The following LGMN variants were observed in gnomAD, a reference collection of about 807,000 sequenced individuals.
LGMN encodes the protein legumain, also known as asparaginyl endopeptidase.
A neutral mutation model predicts 56.8 loss-of-function variants in LGMN; 36 were observed. That is an observed-to-expected ratio of 0.63 (90% CI 0.49 to 0.84). The LOEUF is 0.84. LGMN is among the 40% of genes least tolerant of loss of function. The pLI is 0.00. For synonymous variants in LGMN, 199 were observed against 210.1 expected (o/e 0.95, Z 0.46); for missense variants, 446 against 556.1 (o/e 0.80, Z 1.99).
rs757663629 is a variant in LGMN, at chr14:92,711,815, A to G, written c.729+22T>C. ...TCTGACGGTTAAACCCCAGCTGAAC[A>G]GCCAGCCCCCAAAGGGCTCACCACG... On this transcript the variant is annotated intron_variant, in intron 9 of 13. Coordinates refer to ENST00000334869, the MANE Select transcript of LGMN (RefSeq NM_005606.7). 3.7e-6 allele frequency: 6 copies of G among 1,608,924 alleles called. No homozygotes were observed. In the South Asian group the frequency reaches 6.6e-5, roughly 18 times the overall value.
intron 2 of LGMN, 48 bp downstream of exon 2, chr14:92,732,601 T>G (rs1891105143): frequency 1.3e-5 from 21 of 1,595,030 alleles, no homozygotes; most frequent in Non-Finnish European, 1.8e-5. Context: ...GGAATTGTTT[T>G]CAGAATGCCA....
intron 11 of LGMN, 113 bp downstream of exon 11, chr14:92,709,558 GT>G: frequency 1.2e-6 from 1 of 857,832 alleles, no homozygotes; most frequent in Non-Finnish European, 1.9e-6. Flanking sequence ...GCTGGCTTCT[GT>G]CCCCCCATAC....
At chr14:92,731,325 T>C (rs994945265) in intron 2 of LGMN, among the ~76,000 whole-genome samples, 1 of 152,240 alleles carries the variant, frequency 6.6e-6, no homozygotes, top group East Asian at 1.9e-4. Context: ...TCATGCACCA[T>C]AGAAGTCAGT....
intron 1 of LGMN, among the ~76,000 whole-genome samples, chr14:92,738,305 G>C (rs1050181021): frequency 3.3e-5 from 5 of 149,828 alleles, no homozygotes; most frequent in African/African-American, 1.2e-4. Context: ...TTGAGACAGA[G>C]TCTTGCTCGG....
chr14:92,732,256 CAGG>C (rs1891086170), intron 2 of LGMN: 1 of 192,146 alleles, frequency 5.2e-6, no homozygotes, highest in Non-Finnish European at 1.1e-5. Flanking sequence ...TACAGTGGAG[CAGG>C]AGATGCTGCC....
intron 1 of LGMN, among the ~76,000 whole-genome samples, chr14:92,743,242 C>T (rs1433660059): frequency 2.0e-5 from 3 of 152,178 alleles, no homozygotes; most frequent in African/African-American, 7.2e-5. Context: ...TGGCTCACGC[C>T]TGTAATCCCA....
intron 1 of LGMN, among the ~76,000 whole-genome samples, chr14:92,744,845 C>T (rs377739149): frequency 6.6e-6 from 1 of 152,190 alleles, no homozygotes; most frequent in Non-Finnish European, 1.5e-5. Context: ...CCGCCCGGCT[C>T]AGCCTCCCAA....
At chr14:92,704,765 CA>C in intron 12 of LGMN, 58 bp from the exon 13 acceptor site, 1 of 1,412,614 alleles carries the variant, frequency 7.1e-7, no homozygotes, top group Non-Finnish European at 1.0e-6. Flanking sequence ...CAATCCACTC[CA>C]CTTTTGCAAT....
intron 1 of LGMN, among the ~76,000 whole-genome samples, chr14:92,739,113 G>A (rs767502231): frequency 1.3e-5 from 2 of 151,788 alleles, no homozygotes; most frequent in Non-Finnish European, 2.9e-5. Context: ...AGACACAAAA[G>A]TAAAATAATC....
chr14:92,716,664 A>T (rs1890091166), intron 4 of LGMN, among the ~76,000 whole-genome samples: 1 of 152,226 alleles, frequency 6.6e-6, no homozygotes, highest in Non-Finnish European at 1.5e-5. Flanking sequence ...AAACAATTTC[A>T]TTAAATACGG....
intron 13 of LGMN, 22 bp downstream of exon 13, chr14:92,704,618 G>A (rs1417164779): frequency 6.3e-7 from 1 of 1,593,500 alleles, no homozygotes; most frequent in Admixed American, 1.7e-5. Flanking sequence ...GACCTTTCAA[G>A]CGTCACCGCT....
intron 12 of LGMN, among the ~76,000 whole-genome samples, chr14:92,705,914 C>T (rs982896962): frequency 8.5e-5 from 13 of 152,198 alleles, no homozygotes; most frequent in South Asian, 2.1e-4. Flanking sequence ...AGACATGAGC[C>T]ACCATGCCCG....
intron 5 of LGMN, 26 bp downstream of exon 5, chr14:92,716,110 G>C (rs1211361375): frequency 6.7e-7 from 1 of 1,491,698 alleles, no homozygotes; most frequent in Admixed American, 1.7e-5. Flanking sequence ...ATTGAGAGAA[G>C]TGTAGTATCC....
At position 92,732,702 on chromosome 14, in the gene LGMN, GCTTGCCTCCAT is replaced by G; in HGVS notation, c.74_84del (p.Asp25AlafsTer14). 1 of 1,614,166 alleles carries G rather than the reference GCTTGCCTCCAT, an allele frequency of 6.2e-7. No homozygotes were observed. The highest frequency in any genetic ancestry group is 8.5e-7 in the Non-Finnish European group (1 of 1,180,034). ...GAACCTGCCACGATCACCACCCAGT[GCTTGCCTCCAT>G]CTTCAGGATCATCTATAGGAACGGC... is the stretch of plus-strand genomic sequence containing the variant. On this transcript the variant is annotated frameshift_variant, in exon 2 of 14. Coordinates refer to ENST00000334869, the MANE Select transcript of LGMN (RefSeq NM_005606.7). LOFTEE classifies it high-confidence loss of function.
intron 2 of LGMN, 22 bp downstream of exon 2, chr14:92,732,627 A>C: frequency 6.2e-7 from 1 of 1,611,660 alleles, no homozygotes; most frequent in Non-Finnish European, 8.5e-7. Context: ...CTTAACAAAA[A>C]AAAGATTAGT....
At chr14:92,712,508 G>A (rs1324836118) in intron 8 of LGMN, among the ~76,000 whole-genome samples, 1 of 152,166 alleles carries the variant, frequency 6.6e-6, no homozygotes, top group Non-Finnish European at 1.5e-5. Flanking sequence ...AGGTCAGAGT[G>A]CAACCAACAC....
In LGMN at chr14:92,706,472, TGCTG is replaced by T; in HGVS notation, c.1191+7_1191+10del. 1 of 1,511,288 alleles carries T rather than the reference TGCTG, an allele frequency of 6.6e-7. No individual in the cohort carries two copies. Among genetic ancestry groups the T allele is most frequent in the South Asian group, 1.2e-5 (1 of 80,014 alleles). The allele number at this position is 1,511,288 out of a possible 1,614,324, so 93.6% of individuals were successfully genotyped here. A position where few individuals can be genotyped will look rare whatever the true frequency, so the allele number is the denominator to read the frequency against. ...CTGGATTCTGGTCATGGGGAGAGCC[TGCTG>T]GCTCACCGTGGGGGAGTGCCAGTTG... On this transcript the variant is annotated splice_region_variant and intron_variant, in intron 12 of 13. Transcript: ENST00000334869.
rs114068662 is a variant in LGMN at position 92,706,668 on chromosome 14, G to A, written c.1021-15C>T. 5.2e-4 allele frequency: 815 copies of A among 1,553,320 alleles called. 3 individuals are homozygous for A. The African/African-American group carries it at 9.4e-3, about 18-fold the overall frequency. On this transcript the variant is annotated splice_polypyrimidine_tract_variant and intron_variant, in intron 11 of 13. Coordinates refer to ENST00000334869, the MANE Select transcript of LGMN (RefSeq NM_005606.7). ...AGGTGCCTGGCCTGGGGAGAAACGC[G>A]GCCTGTCAGAATGTGCCTCCCTGAA...
At chr14:92,724,014 G>A (rs1198233608) in intron 2 of LGMN, among the ~76,000 whole-genome samples, 1 of 152,192 alleles carries the variant, frequency 6.6e-6, no homozygotes, top group African/African-American at 2.4e-5. Context: ...TTATAGGTGT[G>A]AGCCACCACC....
Sources: allele counts gnomAD v4.1 joint callset (sites outside exome capture counted in the v4.1 genomes callset), GRCh38; gene constraint gnomAD v4.1.1; transcripts MANE v1.5; gene names NCBI Gene and HGNC (gene_info 2026-07-23, HGNC 2026-07-21).